Variants in PCDHGA6 observed in about 807,000 individuals in gnomAD.
PCDHGA6 encodes the protein protocadherin gamma-A6.
In PCDHGA6, 41 loss-of-function variants were observed where a neutral mutation model predicts 60.6. The ratio of observed to expected loss-of-function variants is 0.68; its 90% confidence interval spans 0.53 to 0.88. PCDHGA6 has a LOEUF of 0.88. Among genes scored for constraint, PCDHGA6 ranks in the 40% least tolerant of loss-of-function variants. The pLI is 0.00. For missense variants in PCDHGA6, 1,312 were observed against 1,203.0 expected (o/e 1.09, Z -1.34); for synonymous variants, 594 against 524.4 (o/e 1.13, Z -1.81).
At chr5:141,475,828 C>T (rs1319658902) in intron 1 of PCDHGA6, 1 of 387,614 alleles carries the variant, frequency 2.6e-6, no homozygotes, top group Admixed American at 4.3e-5. Context: ...GGCGCTAGCG[C>T]GTGTCCTGCT....
chr5:141,409,495 T>C (rs777919409), intron 1 of PCDHGA6: 5 of 1,613,862 alleles, frequency 3.1e-6, no homozygotes, highest in Non-Finnish European at 4.2e-6. Context: ...GCAAGCCGCC[T>C]CTTTCTTCCA....
chr5:141,475,679 T>A (rs967189869), intron 1 of PCDHGA6, among the ~76,000 whole-genome samples: 2 of 152,236 alleles, frequency 1.3e-5, no homozygotes, highest in African/African-American at 4.8e-5. Flanking sequence ...GAGTCTTGAT[T>A]TGGATTGGAG....
rs778586702 is a variant in PCDHGA6, at chr5:141,404,963, A to G, written c.2424+28456A>G. 8.7e-6 allele frequency: 14 copies of G among 1,613,744 alleles called. No homozygotes were observed. In the South Asian group the frequency reaches 1.5e-4, roughly 18 times the overall value. ...AGCCATAGCTGACAGCATCCCAGAC[A>G]TCCTGGCTGACCTGGGCAGTCTTCA... On this transcript the variant is annotated intron_variant, in intron 1 of 3. Transcript: ENST00000517434.
intron 1 of PCDHGA6, chr5:141,389,851 C>T (rs375044667): frequency 6.2e-7 from 1 of 1,614,054 alleles, no homozygotes; most frequent in Non-Finnish European, 8.5e-7. Context: ...TCGGCCACTG[C>T]CACGTTGCAC....
intron 2 of PCDHGA6, among the ~76,000 whole-genome samples, chr5:141,503,598 C>CA (rs765754054): frequency 0.15 from 9,705 of 65,252 alleles, 922 homozygotes; most frequent in African/African-American, 0.34. Context: ...GACTCCAGCT[C>CA]AAAAAAAAAA....
chr5:141,407,009 T>C (rs1388688972), intron 1 of PCDHGA6, among the ~76,000 whole-genome samples: 1 of 152,198 alleles, frequency 6.6e-6, no homozygotes, highest in Non-Finnish European at 1.5e-5. Flanking sequence ...AGCTTTGAAG[T>C]TGACTCAAAA....
At chr5:141,441,742 T>C in intron 1 of PCDHGA6, 1 of 367,312 alleles carries the variant, frequency 2.7e-6, no homozygotes, top group Non-Finnish European at 5.4e-6. Context: ...TAGCTCGCGC[T>C]CGGCGTCAAC....
chr5:141,385,420 A>T, intron 1 of PCDHGA6: 1 of 1,465,218 alleles, frequency 6.8e-7, no homozygotes, highest in Non-Finnish European at 9.0e-7. Flanking sequence ...AGGGATTTAA[A>T]AAACTTTATA....
chr5:141,398,111 T>C, intron 1 of PCDHGA6: 1 of 1,594,080 alleles, frequency 6.3e-7, no homozygotes, highest in East Asian at 2.2e-5. Context: ...GTGAGCAAGC[T>C]GAGGAGAGCA....
intron 1 of PCDHGA6, chr5:141,422,767 G>T: frequency 6.2e-7 from 1 of 1,613,786 alleles, no homozygotes; most frequent in Non-Finnish European, 8.5e-7. Context: ...CAACACTGGT[G>T]TTCTCTATGC....
chr5:141,425,482 C>G (rs1257043728), intron 1 of PCDHGA6, among the ~76,000 whole-genome samples: 1 of 152,192 alleles, frequency 6.6e-6, no homozygotes, highest in East Asian at 1.9e-4. Flanking sequence ...CCTATGGCAA[C>G]CTACTAGGCT....
intron 1 of PCDHGA6, chr5:141,398,504 T>C: frequency 6.2e-7 from 1 of 1,611,098 alleles, no homozygotes; most frequent in Admixed American, 1.7e-5. Flanking sequence ...ATCGAGGACA[T>C]TAATGACCAC....
chr5:141,485,625 G>C lies in PCDHGA6; in HGVS notation c.2425-9182G>C. On this transcript the variant is annotated intron_variant, in intron 1 of 3. Transcript: ENST00000517434. This position sits in a 1 kb window ranked among gnomAD's most constrained non-coding sequence, Gnocchi z 5.7. ...GGGGAGGCAGCTCCTCCAGGACAGC[G>C]TTTCCCGTTGGAAAAGGCTCAGGAT... The C allele has an allele frequency of 6.2e-7, 1 of 1,611,968 alleles. No individual in the cohort carries two copies. Among genetic ancestry groups the C allele is most frequent in the Non-Finnish European group, 8.5e-7 (1 of 1,178,504 alleles).
intron 1 of PCDHGA6, chr5:141,408,700 A>G (rs748315700): frequency 3.1e-6 from 5 of 1,613,470 alleles, no homozygotes; most frequent in Admixed American, 3.3e-5. Flanking sequence ...ACATAAACTC[A>G]ATTAAAGATT....
At position 141,487,780 on chromosome 5, in the gene PCDHGA6, C is replaced by T. The variant is rs1423149; in HGVS notation, c.2425-7027C>T. On this transcript the variant is annotated intron_variant, in intron 1 of 3. Transcript: ENST00000517434. The surrounding 1 kb of genome is among the most constrained non-coding windows in gnomAD (Gnocchi z 5.0). ...TAGACGCTGTGCTTTGTAACTGTTT[C>T]GTGAATTAACCAGAGTTGTCACAGT... 0.06 allele frequency: 91,434 copies of T among 1,526,176 alleles called. 5,728 individuals carry two copies. Among genetic ancestry groups the T allele is most frequent in the African/African-American group, 0.33 (23,789 of 72,466 alleles). The allele number at this position is 1,526,176 out of a possible 1,614,324, so 94.5% of individuals were successfully genotyped here. A position where few individuals can be genotyped will look rare whatever the true frequency, so the allele number is the denominator to read the frequency against.
At chr5:141,444,056 A>G (rs1055292734) in intron 1 of PCDHGA6, among the ~76,000 whole-genome samples, 7 of 151,740 alleles carry the variant, frequency 4.6e-5, no homozygotes, top group Non-Finnish European at 7.4e-5. Context: ...GGCATCTTCA[A>G]TCTAGATTCT....
rs201857404 is a variant in PCDHGA6, at chr5:141,485,844, G to C, written c.2425-8963G>C. The C allele has an allele frequency of 1.1e-5, 18 of 1,613,772 alleles. No homozygotes were observed. The highest frequency in any genetic ancestry group is 1.4e-5 in the Non-Finnish European group (16 of 1,179,956). ...GATGGAGGGAACCCGCCGAGATCTG[G>C]CACCGCAGAGCTCCGGGTATCCGTG... is the stretch of plus-strand genomic sequence containing the variant. On this transcript the variant is annotated intron_variant, in intron 1 of 3. Transcript: ENST00000517434. This position sits in a 1 kb window ranked among gnomAD's most constrained non-coding sequence, Gnocchi z 5.7.
chr5:141,418,748 A>G, intron 1 of PCDHGA6: 7 of 1,613,954 alleles, frequency 4.3e-6, no homozygotes, highest in East Asian at 2.2e-5. Context: ...TCTGGATTAC[A>G]CTACAGGAAA....
At position 141,414,415 on chromosome 5, in the gene PCDHGA6, C is replaced by T. The variant is rs769791452; in HGVS notation, c.2424+37908C>T. ...TTACAGATTGGTGATACACAGAGCC[C>T]TTGACAGGGAACAGGTATCCTCTTA... On this transcript the variant is annotated intron_variant, in intron 1 of 3. Coordinates refer to ENST00000517434, the MANE Select transcript of PCDHGA6 (RefSeq NM_018919.3). The T allele has an allele frequency of 2.5e-6, 4 of 1,613,758 alleles. No individual in the cohort carries two copies. Among genetic ancestry groups the T allele is most frequent in the Non-Finnish European group, 8.5e-7 (1 of 1,179,880 alleles).
Sources: allele counts gnomAD v4.1 joint callset (sites outside exome capture counted in the v4.1 genomes callset), GRCh38; gene constraint gnomAD v4.1.1; non-coding constraint Gnocchi (gnomAD v3.1); transcripts MANE v1.5; gene names NCBI Gene and HGNC (gene_info 2026-07-23, HGNC 2026-07-21).